The following SH3D21 variants were observed in gnomAD, a reference collection of about 807,000 sequenced individuals.
SH3D21 encodes the protein SH3 domain-containing protein 21.
SH3D21 carries 83 observed loss-of-function variants against 82.1 expected under a neutral mutation model. The ratio of observed to expected loss-of-function variants is 1.01; its 90% confidence interval spans 0.85 to 1.21. The LOEUF is 1.21. Among genes scored for constraint, SH3D21 ranks in the 50% most tolerant of loss-of-function variants. The pLI is 0.00. For missense variants in SH3D21, 980 were observed against 962.1 expected (o/e 1.02, Z -0.25); for synonymous variants, 383 against 387.8 (o/e 0.99, Z 0.15).
chr1:36,309,422 T>A, intron 9 of SH3D21, 126 bp from the exon 10 acceptor site: 1 of 1,076,366 alleles, frequency 9.3e-7, no homozygotes, highest in Non-Finnish European at 1.3e-6. Context: ...GTCTCGAACT[T>A]CTGTCCTCAA....
At chr1:36,322,569 G>A, downstream of SH3D21, 3 of 1,588,750 alleles carry the variant, frequency 1.9e-6, no homozygotes, top group Non-Finnish European at 2.6e-6. Context: ...GTCGTCCTCG[G>A]GCTCCAGGGT....
intron 10 of SH3D21, among the ~76,000 whole-genome samples, chr1:36,318,793 C>A (rs893450111): frequency 1.3e-5 from 2 of 151,774 alleles, no homozygotes; most frequent in Non-Finnish European, 2.9e-5. Context: ...CCTGTAGTCT[C>A]AGCTATTCGG....
At chr1:36,317,709 G>A (rs1646368468) in intron 10 of SH3D21, among the ~76,000 whole-genome samples, 1 of 152,142 alleles carries the variant, frequency 6.6e-6, no homozygotes, top group South Asian at 2.1e-4. Flanking sequence ...GATTACAGGC[G>A]CACGCCACCA....
downstream of SH3D21, chr1:36,328,380 A>T: frequency 2.9e-6 from 1 of 347,740 alleles, no homozygotes; most frequent in South Asian, 2.2e-5. Context: ...GGGAAGAGGG[A>T]GACTCACCGG....
At position 36,320,706 on chromosome 1, in the gene SH3D21, G is replaced by A. The variant is rs750421186; in HGVS notation, c.2043G>A (p.Thr681=). ...ALPSLVPQNY[T]ENKNEGVDVT... is the part of the protein sequence containing the mutation. ...CCTCGCTGGTCCCGCAAAACTACAC[G>A]GAAAACAAGAATGAAGGAGTTGATG... is the stretch of plus-strand genomic sequence containing the variant. Residue 681 remains threonine (T), a synonymous_variant, in exon 14 of 16, where the codon ACG becomes ACA. Coordinates refer to ENST00000453908, the MANE Select transcript of SH3D21 (RefSeq NM_001162530.2). 3.7e-6 allele frequency: 6 copies of A among 1,613,910 alleles called. No homozygotes were observed. Among genetic ancestry groups the A allele is most frequent in the Middle Eastern group, 1.6e-4 (1 of 6,084 alleles).
chr1:36,306,550 C>G lies in SH3D21; in HGVS notation c.5-48C>G. On this transcript the variant is annotated intron_variant, in intron 1 of 15. Coordinates refer to ENST00000453908, the MANE Select transcript of SH3D21 (RefSeq NM_001162530.2). This position sits in a 1 kb window ranked among gnomAD's most constrained non-coding sequence, Gnocchi z 4.5. The stretch of plus-strand genomic sequence containing the variant: ...ACACGCCCGCCCTAGCCAGGCTGCC[C>G]GGCTGGGCCTTTCTGAGCCGCACGC... 1 of 1,302,674 alleles carries G rather than the reference C, an allele frequency of 7.7e-7. No individual in the cohort carries two copies. Among genetic ancestry groups the G allele is most frequent in the South Asian group, 1.2e-5 (1 of 80,878 alleles). 80.7% of individuals were successfully genotyped at this position (1,302,674 alleles called of 1,614,324 possible).
chr1:36,321,217 C>T lies in SH3D21; in HGVS notation c.*90C>T, dbSNP rs778556549. 7 of 1,517,988 alleles carry T rather than the reference C, an allele frequency of 4.6e-6. No homozygotes were observed. The highest frequency in any genetic ancestry group is 1.3e-5 in the South Asian group (1 of 79,674). 94.0% of individuals were successfully genotyped at this position (1,517,988 alleles called of 1,614,324 possible). ...TTTGGGAAACGCGAGAAAGTAAACT[C>T]TGCCTAGCACGGCGCCACGCCGGTC... On this transcript the variant is annotated 3_prime_UTR_variant, in exon 16 of 16. Coordinates refer to ENST00000453908, the MANE Select transcript of SH3D21 (RefSeq NM_001162530.2). The surrounding 1 kb of genome is among the most constrained non-coding windows in gnomAD (Gnocchi z 6.1).
At position 36,313,476 on chromosome 1, in the gene SH3D21, A is replaced by G. The variant is rs1235142248; in HGVS notation, c.769+3886A>G. Among the ~76,000 whole-genome samples the G allele has an allele frequency of 3.3e-5, 5 of 152,174 alleles. No individual in the cohort carries two copies. In the East Asian group the frequency reaches 9.6e-4, roughly 29 times the overall value. On this transcript the variant is annotated intron_variant, in intron 10 of 15. Transcript: ENST00000453908. Reference sequence around the variant, plus strand: ...CTTCAATTTCTTTAATAGTTAAAGAAAAGTCAGGGTAAAATTCTTGAATCA... The same window carrying G: ...CTTCAATTTCTTTAATAGTTAAAGAGAAGTCAGGGTAAAATTCTTGAATCA...
downstream of SH3D21, chr1:36,323,122 C>G: frequency 1.4e-6 from 2 of 1,443,354 alleles, no homozygotes; most frequent in Non-Finnish European, 1.9e-6. Context: ...ACCCCGACCC[C>G]TTCCGCGGGC....
chr1:36,316,578 C>T (rs1387942841), intron 10 of SH3D21, among the ~76,000 whole-genome samples: 1 of 151,934 alleles, frequency 6.6e-6, no homozygotes, highest in Non-Finnish European at 1.5e-5. Flanking sequence ...GAACACCACC[C>T]ACCAGAAGCT....
intron 10 of SH3D21, among the ~76,000 whole-genome samples, chr1:36,316,363 T>G (rs1220446036): frequency 6.6e-6 from 1 of 152,198 alleles, no homozygotes; most frequent in Non-Finnish European, 1.5e-5. Context: ...GCCTCCCCAG[T>G]AGCTGGGATT....
downstream of SH3D21, chr1:36,327,752 A>G: frequency 8.1e-7 from 1 of 1,234,938 alleles, no homozygotes; most frequent in Admixed American, 2.5e-5. Context: ...GCCAGGTGGG[A>G]GAAGCGGCAG....
At chr1:36,329,942 C>A (rs1156839092), downstream of SH3D21, among the ~76,000 whole-genome samples, 1 of 152,136 alleles carries the variant, frequency 6.6e-6, no homozygotes, top group Non-Finnish European at 1.5e-5. Flanking sequence ...ACAGCTCCCC[C>A]AGGGCTAAAG....
Position 36,306,885 on chromosome 1 carries a change from C to T in SH3D21, c.206C>T (p.Pro69Leu). The T allele has an allele frequency of 3.8e-6, 5 of 1,306,524 alleles. No homozygotes were observed. The highest frequency in any genetic ancestry group is 2.5e-5 in the South Asian group (2 of 80,332). 80.9% of individuals were successfully genotyped at this position (1,306,524 alleles called of 1,614,324 possible). A position where few individuals can be genotyped will look rare whatever the true frequency, so the allele number is the denominator to read the frequency against. ...TLRGSGEARR[P>L]RCARRRGHPA... The stretch of plus-strand genomic sequence containing the variant: ...CGGGGCTCCGGAGAGGCGCGGAGGC[C>T]GCGCTGTGCGCGCCGCCGAGGTGAG... Residue 69 changes from proline (P) to leucine (L), a missense_variant, in exon 3 of 16, where the codon CCG becomes CTG. By Grantham distance (98) the Pro-to-Leu change is moderately conservative. Coordinates refer to ENST00000453908, the MANE Select transcript of SH3D21 (RefSeq NM_001162530.2). This position sits in a 1 kb window ranked among gnomAD's most constrained non-coding sequence, Gnocchi z 4.5.
In SH3D21 at chr1:36,321,040, C is replaced by T. The variant is rs747539389; in HGVS notation, c.2200-16C>T. The T allele has an allele frequency of 1.2e-6, 2 of 1,607,952 alleles. No homozygotes were observed. Among genetic ancestry groups the T allele is most frequent in the Non-Finnish European group, 1.7e-6 (2 of 1,177,614 alleles). ...GAGTGGCCCCCTGACAAAGTCTCCACCTCACTCCCGACCAGGTCCAGGTGA... is the reference window on the plus strand; with the variant it reads ...GAGTGGCCCCCTGACAAAGTCTCCATCTCACTCCCGACCAGGTCCAGGTGA... On this transcript the variant is annotated splice_polypyrimidine_tract_variant and intron_variant, in intron 15 of 15. Coordinates refer to ENST00000453908, the MANE Select transcript of SH3D21 (RefSeq NM_001162530.2). The surrounding 1 kb of genome is among the most constrained non-coding windows in gnomAD (Gnocchi z 6.1).
At chr1:36,329,692 G>A (rs1443194292), downstream of SH3D21, among the ~76,000 whole-genome samples, 2 of 151,954 alleles carry the variant, frequency 1.3e-5, no homozygotes. Context: ...GTCAGGTTGT[G>A]ATGAACACAA....
At chr1:36,317,352 A>G (rs901814058) in intron 10 of SH3D21, among the ~76,000 whole-genome samples, 6 of 152,262 alleles carry the variant, frequency 3.9e-5, no homozygotes, top group Admixed American at 2.0e-4. Flanking sequence ...CATGCCCCCA[A>G]CCACTGTCAG....
Position 36,321,233 on chromosome 1 carries a change from C to T in SH3D21, c.*106C>T, listed in dbSNP as rs1020047250. On this transcript the variant is annotated 3_prime_UTR_variant, in exon 16 of 16. Coordinates refer to ENST00000453908, the MANE Select transcript of SH3D21 (RefSeq NM_001162530.2). The surrounding 1 kb of genome is among the most constrained non-coding windows in gnomAD (Gnocchi z 6.1). ...AAGTAAACTCTGCCTAGCACGGCGC[C>T]ACGCCGGTCTGGTCGCTGGGGGCGG... 6.7e-7 allele frequency: 1 copy of T among 1,491,888 alleles called. No individual in the cohort carries two copies. The highest frequency in any genetic ancestry group is 8.9e-7 in the Non-Finnish European group (1 of 1,120,812). 92.4% of individuals were successfully genotyped at this position (1,491,888 alleles called of 1,614,324 possible).
At chr1:36,309,741 T>C in intron 10 of SH3D21, 151 bp downstream of exon 10, 1 of 745,262 alleles carries the variant, frequency 1.3e-6, no homozygotes. Flanking sequence ...GGAATGTACG[T>C]GAATCAATGT....
Sources: gnomAD v4.1 joint callset for allele counts (sites outside exome capture counted in the v4.1 genomes callset) on GRCh38, gnomAD v4.1.1 for gene constraint, Gnocchi (gnomAD v3.1) non-coding constraint, MANE v1.5 for transcripts, NCBI Gene and HGNC (gene_info 2026-07-23, HGNC 2026-07-21) for gene names.